Variants in PRTN3 observed in about 807,000 individuals in gnomAD.
PRTN3 encodes the protein proteinase 3, also known as myeloblastin.
A neutral mutation model predicts 20.7 loss-of-function variants in PRTN3; 22 were observed. The ratio of observed to expected loss-of-function variants is 1.06; its 90% CI spans 0.76 to 1.52. PRTN3 has a LOEUF of 1.52. Among genes scored for constraint, PRTN3 ranks in the 40% most tolerant of loss-of-function variants. The pLI is 0.00. For missense variants in PRTN3, 378 were observed against 359.6 expected (o/e 1.05, Z -0.41); for synonymous variants, 173 against 152.9 (o/e 1.13, Z -0.97).
In PRTN3 at chr19:846,216, C is replaced by A. The variant is rs774177496; in HGVS notation, c.439C>A (p.Pro147Thr). The change falls in exon 4 of 5, where the codon CCC (proline) becomes ACC (threonine). Residue 147 changes from proline (P) to threonine (T), a missense_variant. Transcript: ENST00000234347. ...VQLPQQDQPV[P>T]HGTQCLAMGW... Reference sequence around the variant, plus strand: ...GCTGCCACAGCAGGACCAGCCAGTGCCCCACGGCACCCAGTGCCTGGCCAT... The same window carrying A: ...GCTGCCACAGCAGGACCAGCCAGTGACCCACGGCACCCAGTGCCTGGCCAT... 1 of 1,546,218 alleles carries A rather than the reference C, an allele frequency of 6.5e-7. No homozygotes were observed. The highest frequency in any genetic ancestry group is 1.2e-5 in the South Asian group (1 of 83,684).
intron 1 of PRTN3, 53 bp from the exon 2 acceptor site, chr19:843,408 C>G (rs1243435244): frequency 1.1e-5 from 16 of 1,488,152 alleles, no homozygotes; most frequent in Non-Finnish European, 1.2e-5. Context: ...TCTGCCATCC[C>G]CCCTTTCCCT....
intron 4 of PRTN3, among the ~76,000 whole-genome samples, chr19:846,611 G>C (rs2035520467): frequency 2.0e-5 from 3 of 152,188 alleles, no homozygotes; most frequent in Non-Finnish European, 4.4e-5. Flanking sequence ...CTCCCCTCTA[G>C]GACCACAGGA....
At chr19:846,016 G>A in intron 3 of PRTN3, 131 bp from the exon 4 acceptor site, 1 of 581,720 alleles carries the variant, frequency 1.7e-6, no homozygotes, top group Non-Finnish European at 2.9e-6. Context: ...GGGGGTCGTG[G>A]GGCCCAGGCG....
At chr19:846,502 G>A (rs2035518847) in intron 4 of PRTN3, 125 bp downstream of exon 4, 1 of 1,030,532 alleles carries the variant, frequency 9.7e-7, no homozygotes, top group Admixed American at 2.9e-5. Context: ...CCACCTGGAA[G>A]GTGGGCACAC....
chr19:842,373 G>A (rs1171659565), intron 1 of PRTN3, among the ~76,000 whole-genome samples: 1 of 83,618 alleles, frequency 1.2e-5, no homozygotes, highest in South Asian at 3.6e-4. Context: ...TTGTTTTTTT[G>A]AGATGGGGTC....
intron 3 of PRTN3, among the ~76,000 whole-genome samples, chr19:845,714 CAAA>C (rs35429597): frequency 7.1e-5 from 9 of 127,010 alleles, no homozygotes; most frequent in Non-Finnish European, 3.3e-5. Context: ...AACTCCATCT[CAAA>C]AAAAAAAAAA....
intron 4 of PRTN3, 147 bp downstream of exon 4, chr19:846,524 C>T (rs1017931256): frequency 2.7e-5 from 23 of 847,956 alleles, no homozygotes; most frequent in African/African-American, 2.3e-4. Context: ...CAACACCCAA[C>T]GGGCAGGCTC....
At position 848,013 on chromosome 19, in the gene PRTN3, C is replaced by G; in HGVS notation, c.*44C>G. 6.4e-7 allele frequency: 1 copy of G among 1,557,606 alleles called. No homozygotes were observed. Among genetic ancestry groups the G allele is most frequent in the African/African-American group, 1.4e-5 (1 of 73,768 alleles). ...CTGGCCGGGACCCCGAGCCTGGCTC[C>G]AAACCCTCGAGGCGGATCTTTGGAC... is the stretch of plus-strand genomic sequence containing the variant. On this transcript the variant is annotated 3_prime_UTR_variant, in exon 5 of 5. Coordinates refer to ENST00000234347, the MANE Select transcript of PRTN3 (RefSeq NM_002777.4).
At position 847,549 on chromosome 19, in the gene PRTN3, AAAAGAAAGAGAG is replaced by A. The variant is rs2035533757; in HGVS notation, c.601-248_601-237del. 1.3e-4 allele frequency among the ~76,000 whole-genome samples: 17 copies of A among 127,802 alleles called. No individual in the cohort carries two copies. The East Asian group carries it at 3.4e-3, about 25-fold the overall frequency. The allele number at this position is 127,802 out of a possible 152,430, so 83.8% of individuals were successfully genotyped here. ...AGAGAAAGAAAGAAAGAAAGAAAGA[AAAAGAAAGAGAG>A]AGAGAGAGAGAGAGAGAGAGAAAGA... On this transcript the variant is annotated intron_variant, in intron 4 of 4. Transcript: ENST00000234347.
In PRTN3 at chr19:843,936, C is replaced by A. The variant is rs376658510; in HGVS notation, c.271C>A (p.Arg91=). The change falls in exon 3 of 5, where the codon CGG becomes AGG. Residue 91 remains arginine, a synonymous_variant. Transcript: ENST00000234347. ...VNVVLGAHNV[R]TQEPTQQHFS... ...CGTGGTGCTCGGAGCCCACAACGTGCGGACGCAGGAGCCCACCCAGCAGCA... is the reference window on the plus strand; with the variant it reads ...CGTGGTGCTCGGAGCCCACAACGTGAGGACGCAGGAGCCCACCCAGCAGCA... 3 of 1,598,914 alleles carry A rather than the reference C, an allele frequency of 1.9e-6. No individual in the cohort carries two copies. The Admixed American group carries it at 5.2e-5, about 28-fold the overall frequency.
rs568083950 is a variant in PRTN3, at chr19:848,091, C to G, written c.*122C>G. ...GCGTCCGGGACGGCCCCACCCGTCC[C>G]CCCACACTCCCTCCCACGGGGCTCC... On this transcript the variant is annotated 3_prime_UTR_variant, in exon 5 of 5. Transcript: ENST00000234347. 24 of 1,236,932 alleles carry G rather than the reference C, an allele frequency of 1.9e-5. No homozygotes were observed. The South Asian group carries it at 3.4e-4, about 18-fold the overall frequency. The allele number at this position is 1,236,932 out of a possible 1,614,324, so 76.6% of individuals were successfully genotyped here. A position where few individuals can be genotyped will look rare whatever the true frequency, so the allele number is the denominator to read the frequency against.
In PRTN3 at chr19:841,205, A is replaced by G. The variant is rs2035433731; in HGVS notation, c.61+136A>G. 5.1e-6 allele frequency: 6 copies of G among 1,166,292 alleles called. No individual in the cohort carries two copies. In the South Asian group the frequency reaches 5.8e-5, roughly 11 times the overall value. The allele number at this position is 1,166,292 out of a possible 1,614,324, so 72.2% of individuals were successfully genotyped here. ...GGCAGGGTCAGGGGAGACTCCACTC[A>G]CTGCTCGGGACCAACGCTTGCAGGG... is the stretch of plus-strand genomic sequence containing the variant. On this transcript the variant is annotated intron_variant, in intron 1 of 4. Transcript: ENST00000234347.
chr19:843,882 C>A lies in PRTN3; in HGVS notation c.228-11C>A. The A allele has an allele frequency of 6.3e-7, 1 of 1,580,118 alleles. No individual in the cohort carries two copies. Among genetic ancestry groups the A allele is most frequent in the East Asian group, 2.3e-5 (1 of 43,576 alleles). On this transcript the variant is annotated splice_polypyrimidine_tract_variant and intron_variant, in intron 2 of 4. Coordinates refer to ENST00000234347, the MANE Select transcript of PRTN3 (RefSeq NM_002777.4). Reference sequence around the variant, plus strand: ...CCAGGGCGCCGAGGAGTGACCACCCCACCCCCGCAGACCCCAGCGCCTGGT... The same window carrying A: ...CCAGGGCGCCGAGGAGTGACCACCCAACCCCCGCAGACCCCAGCGCCTGGT...
At chr19:843,724 G>GC (rs2035475928) in intron 2 of PRTN3, 98 bp downstream of exon 2, 1 of 1,472,740 alleles carries the variant, frequency 6.8e-7, no homozygotes, top group South Asian at 1.4e-5. Context: ...ACCCAGCTAA[G>GC]CCCCGTCTGC....
chr19:845,812 G>A (rs2035508641), intron 3 of PRTN3, among the ~76,000 whole-genome samples: 2 of 152,082 alleles, frequency 1.3e-5, no homozygotes, highest in Admixed American at 6.6e-5. Context: ...CGGAGGCTGA[G>A]GAAGGCAGAT....
chr19:843,872 G>T (rs146542642), intron 2 of PRTN3, 21 bp from the exon 3 acceptor site: 40 of 1,573,142 alleles, frequency 2.5e-5, no homozygotes, highest in Non-Finnish European at 3.4e-5. Context: ...GCGCCGAGGA[G>T]TGACCACCCC....
rs762925266 is a variant in PRTN3 at position 847,851 on chromosome 19, CCTT to C, written c.655_657del (p.Phe219del). Reference sequence around the variant, plus strand: ...GATGGCATCATCCAAGGAATAGACTCCTTCGTGATCTGGGGATGTGCCACCCGC... The same window carrying C: ...GATGGCATCATCCAAGGAATAGACTCCGTGATCTGGGGATGTGCCACCCGC... On this transcript the variant is annotated inframe_deletion, in exon 5 of 5. Transcript: ENST00000234347. 2 of 1,608,974 alleles carry C rather than the reference CCTT, an allele frequency of 1.2e-6. No individual in the cohort carries two copies. The highest frequency in any genetic ancestry group is 3.4e-5 in the Admixed American group (2 of 59,470).
Position 846,313 on chromosome 19 carries a change from CCTT to C in PRTN3, c.542_544del (p.Phe181del), listed in dbSNP as rs759191952. 10 of 1,593,014 alleles carry C rather than the reference CCTT, an allele frequency of 6.3e-6. No homozygotes were observed. Among genetic ancestry groups the C allele is most frequent in the African/African-American group, 4.0e-5 (3 of 74,098 alleles). On this transcript the variant is annotated inframe_deletion, in exon 4 of 5. Transcript: ENST00000234347. ...CAGGAGCTCAATGTCACCGTGGTCA[CCTT>C]CTTCTGCCGGCCACATAACATTTGC...
At chr19:847,506 GAAGA>G (rs1407693904) in intron 4 of PRTN3, among the ~76,000 whole-genome samples, 3 of 135,744 alleles carry the variant, frequency 2.2e-5, no homozygotes, top group African/African-American at 5.5e-5. Flanking sequence ...GAGAAAGAAA[GAAGA>G]AAGAAAGAAA....
Sources: allele counts gnomAD v4.1 joint callset (sites outside exome capture counted in the v4.1 genomes callset), GRCh38; gene constraint gnomAD v4.1.1; transcripts MANE v1.5; gene names NCBI Gene and HGNC (gene_info 2026-07-23, HGNC 2026-07-21).